CFAP58: variants seen among roughly 807,000 people sequenced by gnomAD.
CFAP58 encodes cilia and flagella associated protein 58.
A neutral mutation model predicts 119.5 loss-of-function variants in CFAP58; 88 were observed. The observed-to-expected ratio is 0.74, with a 90% CI of 0.62 to 0.88. CFAP58 has a LOEUF of 0.88. CFAP58 is among the 40% of genes least tolerant of loss of function. CFAP58 has a pLI of 0.00. For missense variants in CFAP58, 990 were observed against 1,021.2 expected, an observed-to-expected ratio of 0.97 and a Z score of 0.42; for synonymous variants, 365 against 366.3, an observed-to-expected ratio of 1.00 and a Z score of 0.04.
chr10:104,381,986 A>C, intron 9 of CFAP58: 1 of 624,212 alleles, frequency 1.6e-6, no homozygotes, highest in Non-Finnish European at 3.0e-6. Context: ...CTCGCACGTT[A>C]GCTTCTGTAT....
At position 104,399,469 on chromosome 10, in the gene CFAP58, A is replaced by G. The variant is rs1485473392; in HGVS notation, c.1784A>G (p.Glu595Gly). Residue 595 changes from glutamate to glycine, a missense_variant, in exon 12 of 18, where the codon GAG becomes GGG. By Grantham distance (98) the Glu-to-Gly change is moderately conservative (BLOSUM62 -2). Coordinates refer to ENST00000369704, the MANE Select transcript of CFAP58 (RefSeq NM_001008723.2). Reference protein sequence around the residue: ...LLRIIAEADGERLRQKKELDQ... With the variant: ...LLRIIAEADGGRLRQKKELDQ... ...CGAATAATTGCTGAGGCTGACGGGG[A>G]GAGGTTGAGACAGAAGAAGGAATTA... 1 of 1,613,632 alleles carries G rather than the reference A, an allele frequency of 6.2e-7. No homozygotes were observed. The highest frequency in any genetic ancestry group is 1.3e-5 in the African/African-American group (1 of 74,864).
At chr10:104,364,634 G>T in intron 3 of CFAP58, 99 bp from the exon 4 acceptor site, 1 of 1,043,402 alleles carries the variant, frequency 9.6e-7, no homozygotes. Flanking sequence ...GTTAATCATT[G>T]ACCTGACATC....
chr10:104,364,990 C>A, intron 4 of CFAP58, 101 bp downstream of exon 4: 2 of 1,227,964 alleles, frequency 1.6e-6, no homozygotes, highest in Non-Finnish European at 2.3e-6. Context: ...AATTTACCCC[C>A]TAGCGCCCAA....
rs990974831 is a variant in CFAP58, at chr10:104,399,626, A to T, written c.1815+126A>T. The T allele has an allele frequency of 3.1e-6, 3 of 962,304 alleles. No individual in the cohort carries two copies. In the African/African-American group the frequency reaches 5.0e-5, roughly 16 times the overall value. 59.6% of individuals were successfully genotyped at this position (962,304 alleles called of 1,614,324 possible). A position where few individuals can be genotyped will look rare whatever the true frequency, so the allele number is the denominator to read the frequency against. On this transcript the variant is annotated intron_variant, in intron 12 of 17. Coordinates refer to ENST00000369704, the MANE Select transcript of CFAP58 (RefSeq NM_001008723.2). ...CCCTATTGGAAGAACAGCAGCAGAG[A>T]CCCATCTTGTGTTGATTAATTATGA...
rs2014599508 is a variant in CFAP58 at position 104,357,950 on chromosome 10, TATATACAC to T, written c.10-385_10-378del. ...ACATATACACACATATATGTACACA[TATATACAC>T]ATATATGTACACATATGTACATATG... On this transcript the variant is annotated intron_variant, in intron 1 of 17. Transcript: ENST00000369704. Among the ~76,000 whole-genome samples, 10 of 123,700 alleles carry T rather than the reference TATATACAC, an allele frequency of 8.1e-5. 1 individual carries two copies. The highest frequency in any genetic ancestry group is 3.1e-5 in the Non-Finnish European group (2 of 63,516). The allele number at this position is 123,700 out of a possible 152,430, so 81.2% of individuals were successfully genotyped here. A position where few individuals can be genotyped will look rare whatever the true frequency, so the allele number is the denominator to read the frequency against.
intron 8 of CFAP58, among the ~76,000 whole-genome samples, chr10:104,377,682 A>G (rs2133008319): frequency 6.6e-6 from 1 of 152,330 alleles, no homozygotes. Context: ...CATCTCATCA[A>G]GGCAGAAACG....
chr10:104,392,667 G>A (rs1205616741), intron 10 of CFAP58, among the ~76,000 whole-genome samples: 1 of 138,232 alleles, frequency 7.2e-6, no homozygotes, highest in African/African-American at 2.7e-5. Flanking sequence ...TTGAGATGGA[G>A]TCTCACTCTG....
chr10:104,396,435 A>G (rs2012161867), intron 11 of CFAP58, among the ~76,000 whole-genome samples: 1 of 132,194 alleles, frequency 7.6e-6, no homozygotes, highest in Non-Finnish European at 1.6e-5. Flanking sequence ...AGAGAGAGAG[A>G]GAGAAAGAGA....
upstream of CFAP58, among the ~76,000 whole-genome samples, chr10:104,351,031 A>G (rs2014453578): frequency 6.6e-6 from 1 of 152,138 alleles, no homozygotes; most frequent in Non-Finnish European, 1.5e-5. Flanking sequence ...AATGTTATGG[A>G]GTTTCTCTGG....
rs551057117 is a variant in CFAP58 at position 104,368,280 on chromosome 10, C to T, written c.793-143C>T. The T allele has an allele frequency of 6.7e-5, 46 of 681,568 alleles. 2 individuals are homozygous for T. The South Asian group carries it at 8.9e-4, about 13-fold the overall frequency. The allele number at this position is 681,568 out of a possible 1,614,324, so 42.2% of individuals were successfully genotyped here. On this transcript the variant is annotated intron_variant, in intron 5 of 17. Transcript: ENST00000369704. ...TATTTGAGTGCGTTAGTGCTTTCAT[C>T]GGGAATAAAGAACAATTTCTACAAA...
chr10:104,371,734 A>G (rs923442258), intron 7 of CFAP58, among the ~76,000 whole-genome samples: 4 of 152,142 alleles, frequency 2.6e-5, no homozygotes, highest in Admixed American at 6.5e-5. Flanking sequence ...ATTACATTCC[A>G]TCCATCATCA....
chr10:104,376,679 C>T, intron 7 of CFAP58, 132 bp from the exon 8 acceptor site: 1 of 631,252 alleles, frequency 1.6e-6, no homozygotes, highest in Non-Finnish European at 2.8e-6. Flanking sequence ...CCAAAGGTCA[C>T]ATACACTTGG....
At chr10:104,359,893 T>A (rs986139107) in intron 2 of CFAP58, among the ~76,000 whole-genome samples, 1 of 152,274 alleles carries the variant, frequency 6.6e-6, no homozygotes, top group African/African-American at 2.4e-5. Context: ...ATTGGTAAAG[T>A]TGATTTGGAT....
intron 6 of CFAP58, among the ~76,000 whole-genome samples, chr10:104,370,070 C>T (rs1203923797): frequency 6.6e-6 from 1 of 152,100 alleles, no homozygotes; most frequent in Non-Finnish European, 1.5e-5. Context: ...GGAAGGAGGA[C>T]CCCTTCTCTA....
chr10:104,341,707 G>T, the CFAP58 span, among the ~76,000 whole-genome samples: 2 of 151,616 alleles, frequency 1.3e-5, no homozygotes, highest in Non-Finnish European at 2.9e-5. Context: ...TTAACAAATA[G>T]AATTCCAGCA....
In CFAP58 at chr10:104,392,337, A is replaced by G. The variant is rs1351548357; in HGVS notation, c.1470A>G (p.Leu490=). 6.2e-7 allele frequency: 1 copy of G among 1,611,860 alleles called. No homozygotes were observed. The highest frequency in any genetic ancestry group is 1.1e-5 in the South Asian group (1 of 90,530). The change falls in exon 10 of 18, where the codon CTA becomes CTG. Residue 490 remains leucine, a synonymous_variant. Coordinates refer to ENST00000369704, the MANE Select transcript of CFAP58 (RefSeq NM_001008723.2). ...TTAAATTAAAACAGCAACAGAACCT[A>G]TATGAAGCTGTGAGATCAGACAGAA... The part of the protein sequence containing the change: ...SEIKLKQQQN[L]YEAVRSDRNL...
intron 9 of CFAP58, among the ~76,000 whole-genome samples, chr10:104,384,894 A>G (rs1274360257): frequency 6.6e-6 from 1 of 152,154 alleles, no homozygotes; most frequent in Non-Finnish European, 1.5e-5. Context: ...GATAGGGAAG[A>G]ATGGGAGAGG....
chr10:104,448,588 T>C (rs2013146715), intron 16 of CFAP58, among the ~76,000 whole-genome samples: 1 of 152,154 alleles, frequency 6.6e-6, no homozygotes, highest in African/African-American at 2.4e-5. Context: ...CCAATGAGGG[T>C]AATAATCGTT....
At chr10:104,352,918 T>G (rs1203705808), upstream of CFAP58, among the ~76,000 whole-genome samples, 1 of 152,224 alleles carries the variant, frequency 6.6e-6, no homozygotes, top group Non-Finnish European at 1.5e-5. Context: ...GTAGCATTAT[T>G]TAAACATTTT....
Sources: gnomAD v4.1 joint callset for allele counts (sites outside exome capture counted in the v4.1 genomes callset) on GRCh38, gnomAD v4.1.1 for gene constraint, MANE v1.5 for transcripts, NCBI Gene and HGNC (gene_info 2026-07-23, HGNC 2026-07-21) for gene names.